ERAP1: variants seen among roughly 807,000 people sequenced by gnomAD.
The protein encoded by ERAP1 is endoplasmic reticulum aminopeptidase 1.
ERAP1 carries 86 observed loss-of-function variants against 103.7 expected under a neutral mutation model. That is an observed-to-expected ratio of 0.83 (90% CI 0.70 to 0.99). ERAP1 has a LOEUF of 0.99. ERAP1 is among the 50% of genes least tolerant of loss of function. ERAP1 has a pLI of 0.00. For missense variants in ERAP1, 1,009 were observed against 1,128.4 expected, an observed-to-expected ratio of 0.89 and a Z score of 1.52; for synonymous variants, 398 against 402.4, an observed-to-expected ratio of 0.99 and a Z score of 0.13.
chr5:96,780,581 TA>T, intron 17 of ERAP1, 77 bp from the exon 18 acceptor site: 1 of 1,140,012 alleles, frequency 8.8e-7, no homozygotes. Context: ...CTCCTATATA[TA>T]ATAGCTTTCA....
the ERAP1 span, among the ~76,000 whole-genome samples, chr5:96,884,983 G>C: frequency 6.6e-6 from 1 of 152,120 alleles, no homozygotes; most frequent in African/African-American, 2.4e-5. Context: ...CACCATCCTG[G>C]AAGAACTTAC....
rs954668540 is a variant in ERAP1 at position 96,775,220 on chromosome 5, G to A, written c.*1176C>T. 1.0e-6 allele frequency: 1 copy of A among 985,180 alleles called. No homozygotes were observed. The highest frequency in any genetic ancestry group is 1.2e-6 in the Non-Finnish European group (1 of 829,910). The allele number at this position is 985,180 out of a possible 1,614,324, so 61.0% of individuals were successfully genotyped here. A position where few individuals can be genotyped will look rare whatever the true frequency, so the allele number is the denominator to read the frequency against. On this transcript the variant is annotated 3_prime_UTR_variant, in exon 19 of 19. Transcript: ENST00000443439. Reference sequence around the variant, plus strand: ...TTATTATCATCTATACATAAAACCTGAGCAGCAACTGTGTGCTGAAGCAAC... The same window carrying A: ...TTATTATCATCTATACATAAAACCTAAGCAGCAACTGTGTGCTGAAGCAAC...
At chr5:96,872,761 A>C in the ERAP1 span, among the ~76,000 whole-genome samples, 1 of 152,226 alleles carries the variant, frequency 6.6e-6, no homozygotes, top group African/African-American at 2.4e-5. Context: ...GAGATGAGGA[A>C]GTGAATTATT....
the ERAP1 span, among the ~76,000 whole-genome samples, chr5:96,849,358 T>C: frequency 6.6e-6 from 1 of 152,154 alleles, no homozygotes; most frequent in African/African-American, 2.4e-5. Flanking sequence ...TGATCTTATA[T>C]GTAGAAAACC....
At chr5:96,812,960 T>C (rs966920354), upstream of ERAP1, among the ~76,000 whole-genome samples, 1 of 152,236 alleles carries the variant, frequency 6.6e-6, no homozygotes, top group African/African-American at 2.4e-5. Context: ...CCACAGCCTT[T>C]CTTTTTTTTC....
intron 12 of ERAP1, 119 bp downstream of exon 12, chr5:96,786,351 C>A (rs1218475235): frequency 7.0e-6 from 5 of 715,370 alleles, no homozygotes; most frequent in Non-Finnish European, 1.2e-5. Context: ...AACCAGAAAG[C>A]ATTTTCAATC....
chr5:96,780,424 T>G lies in ERAP1; in HGVS notation c.2669A>C (p.Glu890Ala), dbSNP rs1342946939. The G allele has an allele frequency of 3.8e-6, 6 of 1,590,576 alleles. No homozygotes were observed. Among genetic ancestry groups the G allele is most frequent in the African/African-American group, 1.4e-5 (1 of 73,606 alleles). ...NQFSTRTRLE[E>A]VKGFFSSLKE... Reference sequence around the variant, plus strand: ...TATATATAGATTTTTTTTTTTTACCTCTTCAAGCCGTGTTCTTGTGGAGAA... The same window carrying G: ...TATATATAGATTTTTTTTTTTTACCGCTTCAAGCCGTGTTCTTGTGGAGAA... The change falls in exon 18 of 19, where the codon GAG (glutamate) becomes GCG (alanine). Residue 890 changes from glutamate (E) to alanine (A), a missense_variant and splice_region_variant. Physicochemically the swap from Glu to Ala is moderately radical, Grantham distance 107. Around this residue, in one of 3 missense-constraint regions of ERAP1, gnomAD observed 611 missense variants for 651.7 expected, o/e 0.94. Transcript: ENST00000443439.
chr5:96,786,672 C>A, intron 11 of ERAP1, 123 bp from the exon 12 acceptor site: 1 of 677,972 alleles, frequency 1.5e-6, no homozygotes, highest in South Asian at 1.6e-5. Flanking sequence ...ACTGCTACAG[C>A]CAAGCTCTCA....
chr5:96,806,623 CTTT>C (rs75649816), intron 1 of ERAP1, among the ~76,000 whole-genome samples: 31,812 of 128,296 alleles, frequency 0.25, 3,015 homozygotes, highest in Non-Finnish European at 0.26. Context: ...CAAGATCCCT[CTTT>C]TTTTTTTTTT....
intron 4 of ERAP1, among the ~76,000 whole-genome samples, chr5:96,795,746 C>A (rs1469020135): frequency 6.6e-6 from 1 of 152,208 alleles, no homozygotes; most frequent in Non-Finnish European, 1.5e-5. Context: ...TCTGTAAGAG[C>A]AAATACAATT....
At chr5:96,851,402 A>G in the ERAP1 span, among the ~76,000 whole-genome samples, 1 of 152,290 alleles carries the variant, frequency 6.6e-6, no homozygotes, top group East Asian at 1.9e-4. Context: ...TTAGATTGTA[A>G]AATGAACTCT....
chr5:96,860,945 T>C, the ERAP1 span, among the ~76,000 whole-genome samples: 29 of 151,950 alleles, frequency 1.9e-4, no homozygotes, highest in Non-Finnish European at 3.7e-4. Context: ...AGTCTTCATG[T>C]AGAGCTTTCT....
chr5:96,812,626 T>A (rs192041349), upstream of ERAP1, among the ~76,000 whole-genome samples: 3 of 152,380 alleles, frequency 2.0e-5, no homozygotes, highest in Admixed American at 2.0e-4. Flanking sequence ...ATAATGAATA[T>A]CTGTTGCAAT....
At chr5:96,763,294 A>G in intron 19 of ERAP1, 1 of 780,050 alleles carries the variant, frequency 1.3e-6, no homozygotes, top group Non-Finnish European at 2.4e-6. Context: ...TACCATTAGC[A>G]GCTATAATCC....
At chr5:96,769,344 G>T (rs531848358) in intron 19 of ERAP1, 1 of 146,956 alleles carries the variant, frequency 6.8e-6, no homozygotes, top group Non-Finnish European at 1.5e-5. Context: ...TTCCTCGGTT[G>T]TTTCCCATTG....
chr5:96,787,796 A>ATG (rs1581578538), intron 11 of ERAP1, among the ~76,000 whole-genome samples: 1 of 129,368 alleles, frequency 7.7e-6, no homozygotes, highest in African/African-American at 2.9e-5. Context: ...ATATATATAT[A>ATG]TGTGTGTGTA....
intron 7 of ERAP1, among the ~76,000 whole-genome samples, chr5:96,792,803 G>A (rs183930825): frequency 6.6e-6 from 1 of 152,148 alleles, no homozygotes; most frequent in Admixed American, 6.5e-5. Flanking sequence ...ATGTATACAG[G>A]CAGATGAAAA....
chr5:96,883,877 T>A, the ERAP1 span: 1 of 1,613,776 alleles, frequency 6.2e-7, no homozygotes, highest in Non-Finnish European at 8.5e-7. Context: ...AGCCAACTTT[T>A]CAATCAAGAT....
downstream of ERAP1, chr5:96,773,775 T>C (rs1282933519): frequency 6.6e-6 from 1 of 152,282 alleles, no homozygotes; most frequent in African/African-American, 2.4e-5. Flanking sequence ...TATTTCCTGG[T>C]AGAGAATGCA....
Sources: gnomAD v4.1 joint callset for allele counts (sites outside exome capture counted in the v4.1 genomes callset) on GRCh38, gnomAD v4.1.1 for gene constraint, gnomAD v4.1.1 regional missense constraint, MANE v1.5 for transcripts, NCBI Gene and HGNC (gene_info 2026-07-23, HGNC 2026-07-21) for gene names.